Variants in ZNF777 observed in about 807,000 individuals in gnomAD.
ZNF777 encodes the protein zinc finger protein 777.
ZNF777 carries 7 observed loss-of-function variants against 72.1 expected under a neutral mutation model. The observed-to-expected ratio is 0.10, with a 90% confidence interval of 0.06 to 0.18. The LOEUF (loss-of-function observed/expected upper bound fraction) is 0.18. Ranked by LOEUF, ZNF777 falls within the 10% of genes least tolerant of loss-of-function variation. ZNF777 has a pLI of 1.00. For missense variants in ZNF777, 828 were observed against 1,128.6 expected (o/e 0.73, Z 3.82); for synonymous variants, 545 against 483.5 (o/e 1.13, Z -1.67).
At chr7:149,441,161 A>G (rs1799507323) in intron 4 of ZNF777, among the ~76,000 whole-genome samples, 1 of 152,248 alleles carries the variant, frequency 6.6e-6, no homozygotes, top group African/African-American at 2.4e-5. Context: ...GAGTATTGAC[A>G]ACCAAGCTGC....
At chr7:149,453,459 A>G (rs971354905) in intron 3 of ZNF777, among the ~76,000 whole-genome samples, 1 of 152,192 alleles carries the variant, frequency 6.6e-6, no homozygotes. Context: ...ATATATATAC[A>G]CACACACATA....
chr7:149,454,148 G>C lies in ZNF777; in HGVS notation c.936C>G (p.Asn312Lys). ...LSEWQKELYK[N>K]VMRGNYESLV... ...GGGACTCGTAGTTGCCCCTCATCAC[G>C]TTCTTGTAGAGCTCCTTCTGCCACT... is the stretch of plus-strand genomic sequence containing the variant. The change falls in exon 3 of 6, where the codon AAC becomes AAG. Residue 312 changes from asparagine (N) to lysine (K), a missense_variant. Physicochemically the swap from Asn to Lys is moderately conservative, Grantham distance 94. Coordinates refer to ENST00000247930, the MANE Select transcript of ZNF777 (RefSeq NM_015694.3). The C allele has an allele frequency of 6.2e-7, 1 of 1,614,184 alleles. No individual in the cohort carries two copies. The highest frequency in any genetic ancestry group is 1.1e-5 in the South Asian group (1 of 91,086).
rs1003501693 is a variant in ZNF777, at chr7:149,431,422, T to C, written c.*354A>G. The C allele has an allele frequency of 2.4e-6, 1 of 423,828 alleles. No individual in the cohort carries two copies. Among genetic ancestry groups the C allele is most frequent in the African/African-American group, 2.1e-5 (1 of 47,758 alleles). 26.3% of individuals were successfully genotyped at this position (423,828 alleles called of 1,614,324 possible). A position where few individuals can be genotyped will look rare whatever the true frequency, so the allele number is the denominator to read the frequency against. Reference sequence around the variant, plus strand: ...AACCACAGTATCCAAAAGGTAATTATAAAGTTCTATCCCCAACTAGATGGG... The same window carrying C: ...AACCACAGTATCCAAAAGGTAATTACAAAGTTCTATCCCCAACTAGATGGG... On this transcript the variant is annotated 3_prime_UTR_variant, in exon 6 of 6. Transcript: ENST00000247930.
intron 1 of ZNF777, among the ~76,000 whole-genome samples, chr7:149,457,327 C>A (rs1294634388): frequency 6.6e-6 from 1 of 152,230 alleles, no homozygotes; most frequent in Admixed American, 6.5e-5. Context: ...TGTCCACTCC[C>A]TCATCATCTT....
chr7:149,460,955 T>TC lies in ZNF777; in HGVS notation c.-157dup, dbSNP rs1001876159. On this transcript the variant is annotated 5_prime_UTR_variant, in exon 1 of 6. Transcript: ENST00000247930. This position sits in a 1 kb window ranked among gnomAD's most constrained non-coding sequence, Gnocchi z 6.1. The stretch of plus-strand genomic sequence containing the variant: ...GCTCCGACAGCCTTCCTCCCGCCGA[T>TC]CCCCTGCGCCTCTCACACCCAGAAC... 6.6e-6 allele frequency: 1 copy of TC among 152,260 alleles called. No homozygotes were observed. The highest frequency in any genetic ancestry group is 2.4e-5 in the African/African-American group (1 of 41,472). 9.4% of individuals were successfully genotyped at this position (152,260 alleles called of 1,614,324 possible).
intron 5 of ZNF777, among the ~76,000 whole-genome samples, chr7:149,433,610 C>T (rs1177244942): frequency 6.6e-6 from 1 of 152,236 alleles, no homozygotes; most frequent in African/African-American, 2.4e-5. Context: ...TCAAAACCTA[C>T]AGCACTCCAC....
chr7:149,459,680 G>A (rs1051931762), intron 1 of ZNF777: 1 of 985,096 alleles, frequency 1.0e-6, no homozygotes, highest in Admixed American at 6.2e-5. Context: ...GGGGCCGGCA[G>A]GGCGGGTCGC....
intron 4 of ZNF777, among the ~76,000 whole-genome samples, chr7:149,437,559 A>G (rs1307567643): frequency 6.6e-6 from 1 of 152,206 alleles, no homozygotes; most frequent in Non-Finnish European, 1.5e-5. Context: ...AAACTTGCCT[A>G]TAGGTCTGTA....
At chr7:149,448,494 T>C (rs1044881536) in intron 4 of ZNF777, among the ~76,000 whole-genome samples, 1 of 116,464 alleles carries the variant, frequency 8.6e-6, no homozygotes, top group Non-Finnish European at 1.7e-5. Context: ...ACTATATATA[T>C]ATATATATAT....
At chr7:149,457,846 T>C (rs1799862386) in intron 1 of ZNF777, among the ~76,000 whole-genome samples, 1 of 152,226 alleles carries the variant, frequency 6.6e-6, no homozygotes, top group South Asian at 2.1e-4. Context: ...CAGGTACTAC[T>C]AGAGTTACTA....
chr7:149,442,949 A>G lies in ZNF777; in HGVS notation c.1088-6123T>C, dbSNP rs1412309914. Among the ~76,000 whole-genome samples, 3 of 152,338 alleles carry G rather than the reference A, an allele frequency of 2.0e-5. No homozygotes were observed. The South Asian group carries it at 6.2e-4, about 32-fold the overall frequency. On this transcript the variant is annotated intron_variant, in intron 4 of 5. Coordinates refer to ENST00000247930, the MANE Select transcript of ZNF777 (RefSeq NM_015694.3). The stretch of plus-strand genomic sequence containing the variant: ...AGAGTGTGTAGAAACAAACATTCTC[A>G]TGCTTAGAAGGGTGAAGGCATGTAA...
intron 4 of ZNF777, among the ~76,000 whole-genome samples, chr7:149,443,653 C>G (rs796580561): frequency 6.6e-6 from 1 of 151,922 alleles, no homozygotes; most frequent in East Asian, 1.9e-4. Flanking sequence ...TTTTTTGAGA[C>G]GGGGCTGCAT....
At chr7:149,452,868 C>T (rs1040010171) in intron 3 of ZNF777, among the ~76,000 whole-genome samples, 9 of 152,258 alleles carry the variant, frequency 5.9e-5, no homozygotes, top group African/African-American at 2.2e-4. Context: ...TAGTATCTGT[C>T]CTACTGTAAC....
chr7:149,442,717 A>G lies in ZNF777; in HGVS notation c.1088-5891T>C, dbSNP rs548010695. 1.7e-3 allele frequency among the ~76,000 whole-genome samples: 263 copies of G among 152,336 alleles called. 3 individuals carry two copies. Among genetic ancestry groups the G allele is most frequent in the Non-Finnish European group, 2.7e-3 (183 of 68,032 alleles). On this transcript the variant is annotated intron_variant, in intron 4 of 5. Coordinates refer to ENST00000247930, the MANE Select transcript of ZNF777 (RefSeq NM_015694.3). ...CTTAATATTTTAAAAGCTTTTTACAAATCAATAATAAAAAGACGAGTAATC... is the reference window on the plus strand; with the variant it reads ...CTTAATATTTTAAAAGCTTTTTACAGATCAATAATAAAAAGACGAGTAATC...
At chr7:149,437,982 C>T (rs940120705) in intron 4 of ZNF777, among the ~76,000 whole-genome samples, 1 of 151,780 alleles carries the variant, frequency 6.6e-6, no homozygotes, top group Non-Finnish European at 1.5e-5. Flanking sequence ...CAACTTCAAG[C>T]GATTCTCCTG....
Position 149,432,278 on chromosome 7 carries a change from G to A in ZNF777, c.1994C>T (p.Thr665Met), listed in dbSNP as rs748187938. The A allele has an allele frequency of 5.0e-6, 8 of 1,609,278 alleles. No homozygotes were observed. Among genetic ancestry groups the A allele is most frequent in the African/African-American group, 2.7e-5 (2 of 74,612 alleles). Reference protein sequence around the residue: ...QITHTGERPYTCPECKKSFRL... With the variant: ...QITHTGERPYMCPECKKSFRL... ...GAAGCTCTTCTTGCACTCGGGGCAC[G>A]TGTAGGGCCGCTCACCCGTGTGCGT... Residue 665 changes from threonine to methionine, a missense_variant, in exon 6 of 6, where the codon ACG becomes ATG. By Grantham distance (81) the Thr-to-Met change is moderately conservative. Transcript: ENST00000247930.
At chr7:149,435,278 C>T (rs1162815703) in intron 5 of ZNF777, among the ~76,000 whole-genome samples, 1 of 152,108 alleles carries the variant, frequency 6.6e-6, no homozygotes, top group Non-Finnish European at 1.5e-5. Context: ...TCAACCAATC[C>T]TCCCACCTCA....
chr7:149,456,403 G>T (rs976761723), intron 1 of ZNF777, among the ~76,000 whole-genome samples: 9 of 152,116 alleles, frequency 5.9e-5, no homozygotes, highest in African/African-American at 2.2e-4. Context: ...ACTCTGGATC[G>T]GTCGTTTGAC....
chr7:149,458,320 T>G (rs1477898982), intron 1 of ZNF777, among the ~76,000 whole-genome samples: 1 of 152,160 alleles, frequency 6.6e-6, no homozygotes, highest in African/African-American at 2.4e-5. Context: ...CTGGGGGCCC[T>G]GGAGGCTAGG....
Sources: allele counts gnomAD v4.1 joint callset (sites outside exome capture counted in the v4.1 genomes callset), GRCh38; gene constraint gnomAD v4.1.1; non-coding constraint Gnocchi (gnomAD v3.1); transcripts MANE v1.5; gene names NCBI Gene and HGNC (gene_info 2026-07-23, HGNC 2026-07-21).